The following CYTH3 variants were observed in gnomAD, a reference collection of about 807,000 sequenced individuals.
The protein encoded by CYTH3 is cytohesin 3.
Under a neutral mutation model 55.1 loss-of-function variants are expected in CYTH3, and 23 were observed. That is an observed-to-expected ratio of 0.42 (90% CI 0.30 to 0.59). The LOEUF is 0.59. Among genes scored for constraint, CYTH3 ranks in the 20% least tolerant of loss-of-function variants. The probability of loss-of-function intolerance (pLI) is 0.20; values close to 1 mark genes in which losing one functional copy is unlikely to be tolerated. For missense variants in CYTH3, 413 were observed against 524.8 expected, an observed-to-expected ratio of 0.79 and a Z score of 2.08; for synonymous variants, 249 against 194.9, an observed-to-expected ratio of 1.28 and a Z score of -2.31.
chr7:6,237,730 C>A (rs1583186881), intron 1 of CYTH3, among the ~76,000 whole-genome samples: 1 of 152,016 alleles, frequency 6.6e-6, no homozygotes, highest in South Asian at 2.1e-4. Context: ...CAAAAAAAAA[C>A]CACACATGCA....
intron 1 of CYTH3, among the ~76,000 whole-genome samples, chr7:6,218,941 G>T (rs1181832943): frequency 6.8e-6 from 1 of 147,928 alleles, no homozygotes; most frequent in African/African-American, 2.5e-5. Flanking sequence ...GGAGGCGGAG[G>T]TTGCAGTGAG....
At chr7:6,191,902 C>A (rs1196904078) in intron 1 of CYTH3, among the ~76,000 whole-genome samples, 1 of 151,690 alleles carries the variant, frequency 6.6e-6, no homozygotes, top group Non-Finnish European at 1.5e-5. Context: ...TACAGTGGGA[C>A]CCCCATCTGA....
At chr7:6,250,564 T>C (rs1383782048) in intron 1 of CYTH3, among the ~76,000 whole-genome samples, 4 of 152,110 alleles carry the variant, frequency 2.6e-5, no homozygotes, top group African/African-American at 7.2e-5. Context: ...TGCCACAACA[T>C]GGATGAACCT....
At chr7:6,190,330 T>G (rs2128544048) in intron 2 of CYTH3, 119 bp downstream of exon 2, 1 of 866,882 alleles carries the variant, frequency 1.2e-6, no homozygotes, top group South Asian at 1.8e-5. Context: ...TTTTTTTTGT[T>G]ATTTTTTGTT....
chr7:6,226,278 A>G (rs1779248930), intron 1 of CYTH3, among the ~76,000 whole-genome samples: 1 of 152,224 alleles, frequency 6.6e-6, no homozygotes, highest in Non-Finnish European at 1.5e-5. Context: ...TTGATTAGAA[A>G]GCACTGGAGA....
intron 1 of CYTH3, among the ~76,000 whole-genome samples, chr7:6,202,419 C>G (rs933766312): frequency 6.6e-6 from 1 of 150,408 alleles, no homozygotes; most frequent in Non-Finnish European, 1.5e-5. Context: ...CGCCAGCCAA[C>G]TTGGAAATTT....
At chr7:6,176,704 G>A (rs537968518) in intron 5 of CYTH3, among the ~76,000 whole-genome samples, 1 of 152,124 alleles carries the variant, frequency 6.6e-6, no homozygotes, top group Non-Finnish European at 1.5e-5. Context: ...TTCCAATTTG[G>A]ATGTCTTTAT....
At chr7:6,196,132 C>T (rs1476879689) in intron 1 of CYTH3, among the ~76,000 whole-genome samples, 1 of 152,186 alleles carries the variant, frequency 6.6e-6, no homozygotes, top group Non-Finnish European at 1.5e-5. Context: ...AGTCTTCCTT[C>T]TGAGAAGCCC....
intron 1 of CYTH3, among the ~76,000 whole-genome samples, chr7:6,227,867 G>A (rs1779294566): frequency 6.6e-6 from 1 of 152,080 alleles, no homozygotes. Context: ...AACCTTACTG[G>A]ACCTCGGCTG....
intron 4 of CYTH3, among the ~76,000 whole-genome samples, chr7:6,179,671 A>C (rs1783432915): frequency 2.4e-5 from 2 of 82,332 alleles, no homozygotes; most frequent in Admixed American, 1.3e-4. Context: ...CACCCCACAC[A>C]CACACCACAC....
intron 4 of CYTH3, among the ~76,000 whole-genome samples, chr7:6,179,187 A>C (rs985362025): frequency 1.3e-5 from 2 of 152,232 alleles, no homozygotes; most frequent in Non-Finnish European, 2.9e-5. Context: ...ATGATGGAAG[A>C]CTCTACAGCC....
chr7:6,256,726 A>T (rs1780135180), intron 1 of CYTH3, among the ~76,000 whole-genome samples: 1 of 152,208 alleles, frequency 6.6e-6, no homozygotes, highest in Non-Finnish European at 1.5e-5. Flanking sequence ...GAAAAAAATT[A>T]AAAAGTCATG....
chr7:6,200,242 C>G (rs1412164199), intron 1 of CYTH3, among the ~76,000 whole-genome samples: 4 of 152,186 alleles, frequency 2.6e-5, no homozygotes, highest in African/African-American at 9.7e-5. Flanking sequence ...TACCAAGAAG[C>G]TGCAGCTTTC....
At chr7:6,250,366 C>A (rs183396246) in intron 1 of CYTH3, among the ~76,000 whole-genome samples, 75 of 152,282 alleles carry the variant, frequency 4.9e-4, no homozygotes, top group African/African-American at 1.8e-3. Flanking sequence ...GAAGAAAACA[C>A]AAGCAAACCT....
At chr7:6,270,181 G>C (rs1481043265) in intron 1 of CYTH3, among the ~76,000 whole-genome samples, 1 of 152,168 alleles carries the variant, frequency 6.6e-6, no homozygotes, top group Non-Finnish European at 1.5e-5. Flanking sequence ...TTAAATGTAA[G>C]CACATAAAGT....
chr7:6,217,133 G>A (rs139819234), intron 1 of CYTH3, among the ~76,000 whole-genome samples: 3 of 152,054 alleles, frequency 2.0e-5, no homozygotes, highest in Admixed American at 2.0e-4. Context: ...GGCTGGTCTC[G>A]AACTCCTAAC....
At chr7:6,166,879 T>TC (rs1783025551) in intron 9 of CYTH3, among the ~76,000 whole-genome samples, 1 of 152,096 alleles carries the variant, frequency 6.6e-6, no homozygotes, top group Admixed American at 6.5e-5. Context: ...CTGTTCCTCC[T>TC]CTCCCCACAG....
intron 1 of CYTH3, among the ~76,000 whole-genome samples, chr7:6,254,227 A>C (rs1181854309): frequency 2.0e-5 from 3 of 152,070 alleles, no homozygotes; most frequent in African/African-American, 7.2e-5. Context: ...ATAAAAGATA[A>C]CTAAATAGAA....
chr7:6,252,250 G>C (rs549130883), intron 1 of CYTH3, among the ~76,000 whole-genome samples: 3 of 152,146 alleles, frequency 2.0e-5, no homozygotes, highest in Admixed American at 2.0e-4. Context: ...ATACCAGCAT[G>C]AACATGAACA....
Sources: allele counts gnomAD v4.1 joint callset (sites outside exome capture counted in the v4.1 genomes callset), GRCh38; gene constraint gnomAD v4.1.1; transcripts MANE v1.5; gene names NCBI Gene and HGNC (gene_info 2026-07-23, HGNC 2026-07-21).